The following SMYD3 variants were observed in gnomAD, a reference collection of about 807,000 sequenced individuals.
SMYD3 encodes SET and MYND domain containing 3, also known as histone-lysine N-methyltransferase SMYD3.
A neutral mutation model predicts 57.7 loss-of-function variants in SMYD3; 36 were observed. The ratio of observed to expected loss-of-function variants is 0.62; its 90% confidence interval spans 0.48 to 0.82. The LOEUF is 0.82. Among genes scored for constraint, SMYD3 ranks in the 40% least tolerant of loss-of-function variants. The pLI is 0.00. For missense variants in SMYD3, 515 were observed against 538.8 expected, an observed-to-expected ratio of 0.96 and a Z score of 0.44; for synonymous variants, 211 against 195.0, an observed-to-expected ratio of 1.08 and a Z score of -0.68.
At chr1:245,831,548 C>G (rs945184677) in intron 10 of SMYD3, among the ~76,000 whole-genome samples, 1 of 152,234 alleles carries the variant, frequency 6.6e-6, no homozygotes, top group Admixed American at 6.5e-5. Context: ...AACGCACCTG[C>G]CACACAGACC....
At chr1:245,758,854 G>C (rs1558306306) in intron 11 of SMYD3, among the ~76,000 whole-genome samples, 1 of 152,130 alleles carries the variant, frequency 6.6e-6, no homozygotes, top group Non-Finnish European at 1.5e-5. Context: ...AGATATTCCT[G>C]GTTCTTGGCA....
rs772047253 is a variant in SMYD3 at position 245,863,833 on chromosome 1, G to T, written c.867C>A (p.Ser289=). The T allele has an allele frequency of 1.2e-6, 2 of 1,613,938 alleles. No individual in the cohort carries two copies. The highest frequency in any genetic ancestry group is 1.7e-6 in the Non-Finnish European group (2 of 1,179,978). ...DEQVWKEVQE[S]LKKIEELKAH... is the part of the protein sequence containing the mutation. ...CCTTCAGTTCTTCAATTTTTTTCAGGGATTCTTGAACTTCCTTCCATACTT... is the reference window on the plus strand; with the variant it reads ...CCTTCAGTTCTTCAATTTTTTTCAGTGATTCTTGAACTTCCTTCCATACTT... The change falls in exon 9 of 12, where the codon TCC becomes TCA. Residue 289 remains serine (S), a synonymous_variant. Coordinates refer to ENST00000490107, the MANE Select transcript of SMYD3 (RefSeq NM_001167740.2).
At chr1:245,969,218 CT>C (rs1015253579) in intron 5 of SMYD3, among the ~76,000 whole-genome samples, 4 of 152,202 alleles carry the variant, frequency 2.6e-5, no homozygotes, top group African/African-American at 9.7e-5. Context: ...CACGGGTTTG[CT>C]GTGAGAATGA....
At chr1:246,277,228 A>C (rs968899304) in intron 5 of SMYD3, among the ~76,000 whole-genome samples, 1 of 152,254 alleles carries the variant, frequency 6.6e-6, no homozygotes, top group Non-Finnish European at 1.5e-5. Flanking sequence ...TCAGAAAAGA[A>C]GATGTACAAA....
intron 8 of SMYD3, among the ~76,000 whole-genome samples, chr1:245,904,181 T>C (rs931516169): frequency 1.3e-5 from 2 of 152,108 alleles, no homozygotes; most frequent in Non-Finnish European, 2.9e-5. Context: ...GATTGGATCA[T>C]GGGGGCTGTT....
intron 1 of SMYD3, among the ~76,000 whole-genome samples, chr1:246,485,202 C>T (rs1321954000): frequency 1.3e-5 from 2 of 151,854 alleles, no homozygotes; most frequent in African/African-American, 4.8e-5. Flanking sequence ...ATCACCTCAA[C>T]CAAAATACCT....
At chr1:246,504,669 C>T (rs1400980737) in intron 1 of SMYD3, among the ~76,000 whole-genome samples, 2 of 152,048 alleles carry the variant, frequency 1.3e-5, no homozygotes, top group Non-Finnish European at 2.9e-5. Flanking sequence ...TCATTCCATA[C>T]TTAATTCAGA....
intron 8 of SMYD3, among the ~76,000 whole-genome samples, chr1:245,868,454 A>G (rs905632076): frequency 6.6e-6 from 1 of 152,144 alleles, no homozygotes; most frequent in Non-Finnish European, 1.5e-5. Context: ...AAATCCTCCA[A>G]CATAGAACCC....
At chr1:245,771,996 A>G (rs2046357635) in intron 10 of SMYD3, among the ~76,000 whole-genome samples, 1 of 152,210 alleles carries the variant, frequency 6.6e-6, no homozygotes, top group Non-Finnish European at 1.5e-5. Context: ...CAAGTGGGTG[A>G]TGAATCACTG....
chr1:245,998,937 G>A (rs922062630), intron 5 of SMYD3, among the ~76,000 whole-genome samples: 3 of 152,160 alleles, frequency 2.0e-5, no homozygotes, highest in Admixed American at 6.5e-5. Flanking sequence ...GAGAGGTTCT[G>A]AGAGTAGTCA....
At chr1:246,069,148 T>C (rs2060400110) in intron 5 of SMYD3, among the ~76,000 whole-genome samples, 1 of 152,214 alleles carries the variant, frequency 6.6e-6, no homozygotes, top group Non-Finnish European at 1.5e-5. Context: ...TCACACAGCC[T>C]GTCTGCTTCT....
chr1:246,277,634 C>T (rs941403220), intron 5 of SMYD3, among the ~76,000 whole-genome samples: 1 of 152,190 alleles, frequency 6.6e-6, no homozygotes, highest in African/African-American at 2.4e-5. Flanking sequence ...CACAGATGTT[C>T]ATCAGCAGGT....
intron 5 of SMYD3, among the ~76,000 whole-genome samples, chr1:246,159,151 G>A (rs957058448): frequency 2.6e-4 from 40 of 152,232 alleles, no homozygotes; most frequent in African/African-American, 9.6e-4. Flanking sequence ...CTAAAGTGCT[G>A]GGGGGAAAGC....
chr1:245,922,271 C>G (rs2147808930), intron 7 of SMYD3, among the ~76,000 whole-genome samples: 1 of 152,318 alleles, frequency 6.6e-6, no homozygotes, highest in South Asian at 2.1e-4. Flanking sequence ...CGGCTCATTT[C>G]AGACTTAAAG....
At chr1:246,051,707 T>C (rs1294742129) in intron 5 of SMYD3, among the ~76,000 whole-genome samples, 2 of 152,054 alleles carry the variant, frequency 1.3e-5, no homozygotes, top group Non-Finnish European at 2.9e-5. Flanking sequence ...ATTATGCCAA[T>C]TGCATTAGAT....
At chr1:245,950,851 T>C (rs2057607566) in intron 5 of SMYD3, among the ~76,000 whole-genome samples, 1 of 152,182 alleles carries the variant, frequency 6.6e-6, no homozygotes, top group South Asian at 2.1e-4. Flanking sequence ...TAAATTCACA[T>C]TTCTTTTTCA....
At chr1:246,295,480 T>C (rs1490582550) in intron 5 of SMYD3, among the ~76,000 whole-genome samples, 1 of 152,212 alleles carries the variant, frequency 6.6e-6, no homozygotes, top group Non-Finnish European at 1.5e-5. Flanking sequence ...AGGTCTCCAA[T>C]TTCATAAGTT....
intron 7 of SMYD3, among the ~76,000 whole-genome samples, chr1:245,926,505 T>A: frequency 6.6e-6 from 1 of 152,192 alleles, no homozygotes; most frequent in East Asian, 1.9e-4. Context: ...AGTGGAAATG[T>A]CTCGTATTTG....
chr1:246,132,231 G>A (rs1003636829), intron 5 of SMYD3, among the ~76,000 whole-genome samples: 2 of 152,072 alleles, frequency 1.3e-5, no homozygotes, highest in Non-Finnish European at 1.5e-5. Flanking sequence ...CAGATTGGAA[G>A]ACGGGCCTAA....
Sources: allele counts gnomAD v4.1 joint callset (sites outside exome capture counted in the v4.1 genomes callset), GRCh38; gene constraint gnomAD v4.1.1; transcripts MANE v1.5; gene names NCBI Gene and HGNC (gene_info 2026-07-23, HGNC 2026-07-21).